Variants in SNTB1 observed in about 807,000 individuals in gnomAD.
SNTB1 encodes syntrophin beta 1.
Under a neutral mutation model 48.9 loss-of-function variants are expected in SNTB1, and 36 were observed. The ratio of observed to expected loss-of-function variants is 0.74; its 90% CI spans 0.56 to 0.97. The LOEUF is 0.97. Ranked by LOEUF, SNTB1 falls within the 50% of genes least tolerant of loss-of-function variation. SNTB1 has a pLI of 0.00. For synonymous variants in SNTB1, 299 were observed against 294.6 expected, an observed-to-expected ratio of 1.01 and a Z score of -0.15; for missense variants, 786 against 703.4, an observed-to-expected ratio of 1.12 and a Z score of -1.33.
chr8:120,643,883 C>A (rs924033341), intron 2 of SNTB1, among the ~76,000 whole-genome samples: 5 of 152,206 alleles, frequency 3.3e-5, no homozygotes, highest in Admixed American at 6.5e-5. Flanking sequence ...TTCCCACCAG[C>A]AGACACACCA....
chr8:120,626,182 A>G (rs1007359009), intron 3 of SNTB1, among the ~76,000 whole-genome samples: 1 of 152,192 alleles, frequency 6.6e-6, no homozygotes, highest in Non-Finnish European at 1.5e-5. Flanking sequence ...GTGATCTAAC[A>G]AATTATGTAA....
intron 3 of SNTB1, among the ~76,000 whole-genome samples, chr8:120,620,783 T>G (rs1416821648): frequency 6.6e-6 from 1 of 151,556 alleles, no homozygotes; most frequent in Non-Finnish European, 1.5e-5. Flanking sequence ...CTTTGTAAAA[T>G]ACACAAACAT....
At chr8:120,586,156 C>A (rs540481705) in intron 3 of SNTB1, among the ~76,000 whole-genome samples, 120 of 152,344 alleles carry the variant, frequency 7.9e-4, no homozygotes, top group African/African-American at 2.8e-3. Flanking sequence ...GAGATAAACT[C>A]TTTTCAGGAA....
Position 120,655,154 on chromosome 8 carries a change from G to A in SNTB1, c.789-22503C>T, listed in dbSNP as rs547406761. ...TCTGTAGTTTCTAGTTTTTTTCAGC[G>A]TAATCAGGAAAAAATTAGAAAACTT... On this transcript the variant is annotated intron_variant, in intron 2 of 6. Transcript: ENST00000517992. 274 of 226,148 alleles carry A rather than the reference G, an allele frequency of 1.2e-3. 6 individuals are homozygous for A. Among genetic ancestry groups the A allele is most frequent in the South Asian group, 0.01 (210 of 20,998 alleles). 14.0% of individuals were successfully genotyped at this position (226,148 alleles called of 1,614,324 possible).
chr8:120,646,146 T>TAC (rs1215499918), intron 2 of SNTB1, among the ~76,000 whole-genome samples: 20 of 138,302 alleles, frequency 1.4e-4, no homozygotes, highest in Non-Finnish European at 1.7e-4. Context: ...CCTAATTGAA[T>TAC]ACCCTTTATT....
intron 1 of SNTB1, among the ~76,000 whole-genome samples, chr8:120,702,909 A>C (rs1468277983): frequency 1.3e-5 from 2 of 152,218 alleles, no homozygotes; most frequent in Admixed American, 6.5e-5. Flanking sequence ...ATGCATAGCC[A>C]TTCTTACCTC....
chr8:120,607,412 TTAAAAAAGTATAC>T (rs141863029), intron 3 of SNTB1, among the ~76,000 whole-genome samples: 15,391 of 152,160 alleles, frequency 0.1, 1,065 homozygotes, highest in Middle Eastern at 0.27. Flanking sequence ...CTGGCTTTTT[TTAAAAAAGTATAC>T]TTTAAGTTTT....
chr8:120,590,159 T>C (rs1816216374), intron 3 of SNTB1, among the ~76,000 whole-genome samples: 1 of 152,188 alleles, frequency 6.6e-6, no homozygotes. Context: ...AAATTCTTTG[T>C]AGTTATCAAA....
chr8:120,667,877 T>C (rs1042173203), intron 2 of SNTB1, among the ~76,000 whole-genome samples: 4 of 152,172 alleles, frequency 2.6e-5, no homozygotes, highest in Non-Finnish European at 4.4e-5. Flanking sequence ...GAGGCCCTTA[T>C]GTGTGCTCTA....
intron 2 of SNTB1, chr8:120,635,811 A>G (rs947277193): frequency 2.8e-5 from 7 of 251,494 alleles, no homozygotes; most frequent in Non-Finnish European, 5.1e-5. Context: ...ATCCCTAAGA[A>G]GAGTCATATG....
At chr8:120,713,539 G>C (rs1288284142) in intron 1 of SNTB1, among the ~76,000 whole-genome samples, 2 of 152,134 alleles carry the variant, frequency 1.3e-5, no homozygotes, top group African/African-American at 4.8e-5. Context: ...AGACCAGCCT[G>C]GCCAATATGG....
chr8:120,755,712 T>C (rs187519296), intron 1 of SNTB1, among the ~76,000 whole-genome samples: 76 of 152,282 alleles, frequency 5.0e-4, no homozygotes, highest in African/African-American at 1.8e-3. Context: ...TTTTCTCACC[T>C]ATTACTTACG....
intron 1 of SNTB1, among the ~76,000 whole-genome samples, chr8:120,698,183 T>C (rs1006319942): frequency 4.6e-5 from 7 of 151,762 alleles, no homozygotes; most frequent in African/African-American, 1.7e-4. Context: ...AGAAATAAGG[T>C]ATGATTCTTC....
At chr8:120,792,813 T>G (rs1587166980) in intron 1 of SNTB1, among the ~76,000 whole-genome samples, 1 of 152,018 alleles carries the variant, frequency 6.6e-6, no homozygotes, top group Non-Finnish European at 1.5e-5. Flanking sequence ...CCTCTGCTTC[T>G]CCATCATTTC....
intron 1 of SNTB1, among the ~76,000 whole-genome samples, chr8:120,783,341 C>T (rs1339434413): frequency 6.6e-6 from 1 of 151,918 alleles, no homozygotes; most frequent in African/African-American, 2.4e-5. Context: ...AATATTGCTG[C>T]TTGGACTTGG....
At chr8:120,598,324 G>A (rs1341217517) in intron 3 of SNTB1, among the ~76,000 whole-genome samples, 17 of 152,148 alleles carry the variant, frequency 1.1e-4, no homozygotes, top group Admixed American at 1.1e-3. Flanking sequence ...CTGCACATTT[G>A]CATATAACAG....
chr8:120,646,911 G>A (rs1488627105), intron 2 of SNTB1, among the ~76,000 whole-genome samples: 2 of 151,730 alleles, frequency 1.3e-5, no homozygotes, highest in African/African-American at 4.8e-5. Flanking sequence ...TATGTGTCCA[G>A]GAATTTATCC....
chr8:120,732,012 C>G (rs1017681284), intron 1 of SNTB1, among the ~76,000 whole-genome samples: 6 of 152,140 alleles, frequency 3.9e-5, no homozygotes, highest in African/African-American at 9.7e-5. Flanking sequence ...TTTGAAAGCC[C>G]TATAAGGCAA....
chr8:120,683,399 T>C (rs1427845611), intron 2 of SNTB1, among the ~76,000 whole-genome samples: 1 of 151,570 alleles, frequency 6.6e-6, no homozygotes, highest in Admixed American at 6.6e-5. Flanking sequence ...TAAAGTATAA[T>C]AAGAAAAATG....
Sources: allele counts gnomAD v4.1 joint callset (sites outside exome capture counted in the v4.1 genomes callset), GRCh38; gene constraint gnomAD v4.1.1; transcripts MANE v1.5; gene names NCBI Gene and HGNC (gene_info 2026-07-23, HGNC 2026-07-21).